SORBS2: variants seen among roughly 807,000 people sequenced by gnomAD.
The protein encoded by SORBS2 is sorbin and SH3 domain containing 2.
Under a neutral mutation model 97.7 loss-of-function variants are expected in SORBS2, and 46 were observed. That is an observed-to-expected ratio of 0.47 (90% confidence interval 0.37 to 0.60). The LOEUF (loss-of-function observed/expected upper bound fraction) is 0.60, where lower values mean the gene tolerates loss of function less well. Ranked by LOEUF, SORBS2 falls within the 20% of genes least tolerant of loss-of-function variation. The pLI is 0.00. For missense variants in SORBS2, 1,316 were observed against 1,282.3 expected, an observed-to-expected ratio of 1.03 and a Z score of -0.40; for synonymous variants, 476 against 473.4, an observed-to-expected ratio of 1.01 and a Z score of -0.07.
Position 185,850,694 on chromosome 4 carries a change from A to G in SORBS2, c.-337-75328T>C, listed in dbSNP as rs1013774677. On this transcript the variant is annotated intron_variant, in intron 1 of 20. Coordinates refer to the SORBS2 transcript ENST00000284776. ...TATTGAGTCGGGTTGAAATATGCTT[A>G]AGAGCATGTGATGGTTAATTTTAAT... Among the ~76,000 whole-genome samples, 70 of 152,184 alleles carry G rather than the reference A, an allele frequency of 4.6e-4. 1 individual carries two copies. Among genetic ancestry groups the G allele is most frequent in the Non-Finnish European group, 2.1e-4 (14 of 68,030 alleles).
intron 1 of SORBS2, among the ~76,000 whole-genome samples, chr4:185,806,092 C>A (rs1389562216): frequency 6.6e-6 from 1 of 152,222 alleles, no homozygotes; most frequent in South Asian, 2.1e-4. Context: ...AGGCAGAAGT[C>A]GCTGACTCCT....
chr4:185,947,315 T>A (rs1225319956), intron 1 of SORBS2, among the ~76,000 whole-genome samples: 4 of 152,192 alleles, frequency 2.6e-5, no homozygotes, highest in African/African-American at 9.7e-5. Context: ...GAAGCCTGTT[T>A]CTTCTCATAT....
intron 6 of SORBS2, among the ~76,000 whole-genome samples, chr4:185,626,227 T>G (rs2096810527): frequency 6.6e-6 from 1 of 152,218 alleles, no homozygotes; most frequent in Admixed American, 6.5e-5. Context: ...ATCATTATGG[T>G]TTGGGACCAA....
intron 14 of SORBS2, among the ~76,000 whole-genome samples, chr4:185,588,386 G>A (rs979582104): frequency 3.3e-5 from 5 of 152,054 alleles, no homozygotes; most frequent in Non-Finnish European, 5.9e-5. Context: ...AATTATGTTC[G>A]CCTCTGGTTT....
intron 1 of SORBS2, among the ~76,000 whole-genome samples, chr4:185,857,592 T>C (rs1348704391): frequency 3.9e-5 from 6 of 152,204 alleles, no homozygotes; most frequent in Non-Finnish European, 8.8e-5. Context: ...GCCTGTGGGG[T>C]TGGACAGAAT....
intron 1 of SORBS2, among the ~76,000 whole-genome samples, chr4:185,954,135 C>T (rs1236936118): frequency 6.6e-6 from 1 of 152,182 alleles, no homozygotes; most frequent in African/African-American, 2.4e-5. Context: ...TTCTTATCAT[C>T]CAAGATACCC....
intron 9 of SORBS2, 94 bp downstream of exon 21, chr4:185,618,491 T>G: frequency 1.6e-6 from 1 of 612,614 alleles, no homozygotes; most frequent in Non-Finnish European, 2.7e-6. Context: ...TTAGACCTCA[T>G]TTGTAACAGA....
At chr4:185,849,975 G>A (rs377763142) in intron 1 of SORBS2, among the ~76,000 whole-genome samples, 3 of 152,172 alleles carry the variant, frequency 2.0e-5, no homozygotes, top group Non-Finnish European at 2.9e-5. Context: ...GGATTTCTAC[G>A]TTGCGTTTTG....
At chr4:185,618,334 C>A (rs1236515397) in intron 9 of SORBS2, among the ~76,000 whole-genome samples, 1 of 152,264 alleles carries the variant, frequency 6.6e-6, no homozygotes, top group East Asian at 1.9e-4. Flanking sequence ...TTCCTAAATT[C>A]TTTTTGTTTT....
At chr4:185,770,751 TC>T (rs1456500676) in intron 2 of SORBS2, among the ~76,000 whole-genome samples, 5 of 152,066 alleles carry the variant, frequency 3.3e-5, no homozygotes, top group African/African-American at 1.2e-4. Context: ...TAATAATATA[TC>T]CTTGAGAAAT....
intron 2 of SORBS2, among the ~76,000 whole-genome samples, chr4:185,681,370 G>T (rs1332937729): frequency 1.3e-5 from 2 of 150,784 alleles, no homozygotes; most frequent in Non-Finnish European, 2.9e-5. Flanking sequence ...AAGTATCATG[G>T]ATCCACATCA....
intron 2 of SORBS2, among the ~76,000 whole-genome samples, chr4:185,765,541 T>C (rs2098929696): frequency 6.6e-6 from 1 of 152,232 alleles, no homozygotes; most frequent in African/African-American, 2.4e-5. Context: ...AATCAAGCTT[T>C]CTCACCTTTG....
At chr4:185,599,012 T>C (rs965612720) in intron 12 of SORBS2, among the ~76,000 whole-genome samples, 5 of 151,954 alleles carry the variant, frequency 3.3e-5, no homozygotes, top group African/African-American at 1.2e-4. Flanking sequence ...TTCGGGGGAG[T>C]CTAAGAGTCT....
In SORBS2 at chr4:185,740,889, G is replaced by C. The variant is rs2098720231; in HGVS notation, c.-198+34338C>G. Among the ~76,000 whole-genome samples, 5 of 151,782 alleles carry C rather than the reference G, an allele frequency of 3.3e-5. No individual in the cohort carries two copies. The South Asian group carries it at 1.0e-3, about 32-fold the overall frequency. On this transcript the variant is annotated intron_variant, in intron 2 of 20. Coordinates refer to the SORBS2 transcript ENST00000284776. ...CTCGAACCAGCACTAACTCGGACCAGCACTAACTCGGACCAGCACTAACTC... is the reference window on the plus strand; with the variant it reads ...CTCGAACCAGCACTAACTCGGACCACCACTAACTCGGACCAGCACTAACTC...
intron 4 of SORBS2, among the ~76,000 whole-genome samples, chr4:185,672,381 C>T (rs1458416030): frequency 1.3e-5 from 2 of 152,210 alleles, no homozygotes; most frequent in Non-Finnish European, 2.9e-5. Flanking sequence ...AAGCAAGGAA[C>T]ATAGCACAGA....
chr4:185,867,491 T>A (rs896291503), intron 1 of SORBS2, among the ~76,000 whole-genome samples: 15 of 152,206 alleles, frequency 9.9e-5, no homozygotes, highest in African/African-American at 3.4e-4. Context: ...GCAAGATCTA[T>A]GTTTGCATAT....
chr4:185,818,484 C>T (rs767562576), intron 1 of SORBS2, among the ~76,000 whole-genome samples: 69 of 152,246 alleles, frequency 4.5e-4, no homozygotes, highest in Non-Finnish European at 7.8e-4. Flanking sequence ...CCACCGTGCC[C>T]AGCAGCCTAT....
intron 5 of SORBS2, among the ~76,000 whole-genome samples, chr4:185,628,641 C>A (rs1219127883): frequency 6.6e-6 from 1 of 152,120 alleles, no homozygotes; most frequent in African/African-American, 2.4e-5. Flanking sequence ...CCCAGCTATT[C>A]AGGAGGCTGA....
At chr4:185,616,320 T>C (rs181204351) in intron 9 of SORBS2, among the ~76,000 whole-genome samples, 128 of 152,364 alleles carry the variant, frequency 8.4e-4, no homozygotes, top group Non-Finnish European at 1.7e-3. Flanking sequence ...ATCACACATT[T>C]AGAAGTGCTA....
Sources: allele counts gnomAD v4.1 joint callset (sites outside exome capture counted in the v4.1 genomes callset), GRCh38; gene constraint gnomAD v4.1.1; transcripts MANE v1.5; gene names NCBI Gene and HGNC (gene_info 2026-07-23, HGNC 2026-07-21).